Variants in COL18A1 observed in about 807,000 individuals in gnomAD.
COL18A1 encodes collagen type XVIII alpha 1 chain, also known as collagen alpha-1(XVIII) chain.
A neutral mutation model predicts 168.0 loss-of-function variants in COL18A1; 133 were observed. The observed-to-expected ratio is 0.79, with a 90% CI of 0.69 to 0.91. The LOEUF (loss-of-function observed/expected upper bound fraction) is 0.91. Ranked by LOEUF, COL18A1 falls within the 40% of genes least tolerant of loss-of-function variation. The pLI, the probability that COL18A1 is intolerant of heterozygous loss-of-function variation, is 0.00. For missense variants in COL18A1, 2,126 were observed against 1,925.4 expected (o/e 1.10, Z -1.95); for synonymous variants, 949 against 809.0 (o/e 1.17, Z -2.94).
At chr21:45,466,326 G>A (rs966795399) in intron 2 of COL18A1, among the ~76,000 whole-genome samples, 1 of 152,200 alleles carries the variant, frequency 6.6e-6, no homozygotes, top group Non-Finnish European at 1.5e-5. Flanking sequence ...ACACACACAG[G>A]CCTCCAGAAC....
At chr21:45,494,453 C>T (rs2036463433) in intron 26 of COL18A1, 92 bp from the exon 27 acceptor site, 3 of 1,589,778 alleles carry the variant, frequency 1.9e-6, no homozygotes, top group Admixed American at 1.7e-5. Flanking sequence ...AAGCCGCCAC[C>T]TAACCGTGCC....
rs765377882 is a variant in COL18A1, at chr21:45,455,714, A to G, written c.107-12528A>G. 1.5e-5 allele frequency: 24 copies of G among 1,613,702 alleles called. No homozygotes were observed. The highest frequency in any genetic ancestry group is 2.2e-5 in the East Asian group (1 of 44,870). Reference sequence around the variant, plus strand: ...TGTGCAGCCCACAGCAGATACCACCACACACGTGACCCCCCGGAATGGTTC... The same window carrying G: ...TGTGCAGCCCACAGCAGATACCACCGCACACGTGACCCCCCGGAATGGTTC... On this transcript the variant is annotated intron_variant, in intron 2 of 41. Transcript: ENST00000651438.
chr21:45,470,693 G>A (rs1402317580), intron 3 of COL18A1, among the ~76,000 whole-genome samples: 1 of 151,912 alleles, frequency 6.6e-6, no homozygotes, highest in Admixed American at 6.6e-5. Flanking sequence ...CACCATATTG[G>A]TCAGGCTGGT....
chr21:45,491,364 G>A (rs376116864), intron 22 of COL18A1, 50 bp downstream of exon 22: 32 of 1,106,698 alleles, frequency 2.9e-5, no homozygotes, highest in African/African-American at 2.5e-4. Flanking sequence ...CCCCCCACGG[G>A]GTGCAGAGAT....
intron 2 of COL18A1, chr21:45,422,593 AG>A: frequency 2.2e-6 from 1 of 447,386 alleles, no homozygotes; most frequent in Non-Finnish European, 4.7e-6. Context: ...TGCGGGTCTC[AG>A]GGCACAGTGG....
chr21:45,468,925 C>T (rs1390881582), intron 3 of COL18A1, 139 bp downstream of exon 3: 22 of 910,846 alleles, frequency 2.4e-5, no homozygotes, highest in East Asian at 1.9e-4. Context: ...GGGCCTCCAG[C>T]GCAGGCCTCC....
chr21:45,471,238 G>A lies in COL18A1; in HGVS notation c.651+2452G>A, dbSNP rs1438252017. Among the ~76,000 whole-genome samples, 2 of 152,200 alleles carry A rather than the reference G, an allele frequency of 1.3e-5. No individual in the cohort carries two copies. Among genetic ancestry groups the A allele is most frequent in the African/African-American group, 4.8e-5 (2 of 41,458 alleles). On this transcript the variant is annotated intron_variant, in intron 3 of 41. Transcript: ENST00000651438. This position sits in a 1 kb window ranked among gnomAD's most constrained non-coding sequence, Gnocchi z 4.4. ...CTGTGTTGGTTGATCTCTGTGTCAG[G>A]TCCCTGCAGGCCTCAGGTGTCAGGA...
chr21:45,505,514 C>T, intron 36 of COL18A1, 83 bp downstream of exon 36: 1 of 770,300 alleles, frequency 1.3e-6, no homozygotes, highest in Non-Finnish European at 2.2e-6. Context: ...AGACACTCTC[C>T]CACGGACCCC....
chr21:45,482,018 G>A lies in COL18A1; in HGVS notation c.1667G>A (p.Gly556Asp), dbSNP rs903635422. Reference protein sequence around the residue: ...EGPPGRTGQKGSLGEAGAPGH... With the variant: ...EGPPGRTGQKDSLGEAGAPGH... ...CCCCCAGGAAGGACTGGGCAGAAAGGCAGCCTGGTAAGTCTTCCCTCGAGT... is the reference window on the plus strand; with the variant it reads ...CCCCCAGGAAGGACTGGGCAGAAAGACAGCCTGGTAAGTCTTCCCTCGAGT... The change falls in exon 14 of 42, where the codon GGC (glycine) becomes GAC (aspartate). Residue 556 changes from glycine (G) to aspartate (D), a missense_variant. Physicochemically the swap from Gly to Asp is moderately conservative, Grantham distance 94. Coordinates refer to ENST00000651438, the MANE Select transcript of COL18A1 (RefSeq NM_001379500.1). The A allele has an allele frequency of 5.6e-6, 9 of 1,613,254 alleles. No individual in the cohort carries two copies. The highest frequency in any genetic ancestry group is 1.7e-5 in the Admixed American group (1 of 60,002).
At chr21:45,485,531 A>G (rs2036079977) in intron 15 of COL18A1, among the ~76,000 whole-genome samples, 1 of 152,204 alleles carries the variant, frequency 6.6e-6, no homozygotes, top group Non-Finnish European at 1.5e-5. Flanking sequence ...TAAAGACGAT[A>G]AAAGGATGCC....
At chr21:45,497,182 C>T (rs772924769) in intron 31 of COL18A1, 90 bp downstream of exon 31, 1 of 882,952 alleles carries the variant, frequency 1.1e-6, no homozygotes, top group Non-Finnish European at 1.9e-6. Context: ...AGCAGTGAGA[C>T]TCCCCCAGTG....
chr21:45,416,071 C>T (rs759508179), intron 2 of COL18A1, among the ~76,000 whole-genome samples: 6 of 152,242 alleles, frequency 3.9e-5, no homozygotes, highest in Admixed American at 6.5e-5. Flanking sequence ...GCCTCTGTGA[C>T]CCTGACCCAG....
At chr21:45,495,080 T>C in intron 28 of COL18A1, 165 bp downstream of exon 28, 1 of 696,818 alleles carries the variant, frequency 1.4e-6, no homozygotes, top group Non-Finnish European at 2.5e-6. Context: ...GTCCTGGATG[T>C]GGCTGGCAGT....
rs1196442604 is a variant in COL18A1, at chr21:45,468,540, C to G, written c.405C>G (p.Ile135Met). 2.5e-6 allele frequency: 4 copies of G among 1,613,450 alleles called. No individual in the cohort carries two copies. The highest frequency in any genetic ancestry group is 3.4e-6 in the Non-Finnish European group (4 of 1,179,872). The change falls in exon 3 of 42, where the codon ATC (isoleucine) becomes ATG (methionine). Residue 135 changes from isoleucine to methionine, a missense_variant. Physicochemically the swap from Ile to Met is conservative, Grantham distance 10. Coordinates refer to ENST00000651438, the MANE Select transcript of COL18A1 (RefSeq NM_001379500.1). ...LSGVQDGHQDISLLYTEPGAG... is the reference protein window; with the variant it reads ...LSGVQDGHQDMSLLYTEPGAG... ...GGGTGCAGGACGGGCACCAGGACAT[C>G]TCCCTGCTCTACACAGAACCAGGTG...
At chr21:45,501,505 G>A (rs1214763838) in intron 32 of COL18A1, among the ~76,000 whole-genome samples, 1 of 152,162 alleles carries the variant, frequency 6.6e-6, no homozygotes, top group Non-Finnish European at 1.5e-5. Flanking sequence ...CAGGGCAGTG[G>A]TCTTCCACGT....
At chr21:45,508,303 G>A (rs1396875659) in intron 38 of COL18A1, among the ~76,000 whole-genome samples, 1 of 151,436 alleles carries the variant, frequency 6.6e-6, no homozygotes, top group Non-Finnish European at 1.5e-5. Flanking sequence ...TGGATGGGTG[G>A]TTGCTGGACA....
In COL18A1 at chr21:45,486,856, C is replaced by A; in HGVS notation, c.1702-5C>A. On this transcript the variant is annotated splice_polypyrimidine_tract_variant and splice_region_variant and intron_variant, in intron 15 of 41. Coordinates refer to ENST00000651438, the MANE Select transcript of COL18A1 (RefSeq NM_001379500.1). The stretch of plus-strand genomic sequence containing the variant: ...GTCCTGACACGCTCTCCTCACCCCA[C>A]GCAGGGGAGCAAGGGAGCCCCCGGT... The A allele has an allele frequency of 6.5e-7, 1 of 1,527,812 alleles. No homozygotes were observed. Among genetic ancestry groups the A allele is most frequent in the African/African-American group, 1.4e-5 (1 of 72,484 alleles). The allele number at this position is 1,527,812 out of a possible 1,614,324, so 94.6% of individuals were successfully genotyped here. A position where few individuals can be genotyped will look rare whatever the true frequency, so the allele number is the denominator to read the frequency against.
rs368730788 is a variant in COL18A1 at position 45,495,375 on chromosome 21, C to A, written c.2451C>A (p.Asn817Lys). Residue 817 changes from asparagine to lysine, a missense_variant, in exon 29 of 42, where the codon AAC (asparagine) becomes AAA (lysine). Physicochemically the swap from Asn to Lys is moderately conservative, Grantham distance 94 (BLOSUM62 0). Coordinates refer to ENST00000651438, the MANE Select transcript of COL18A1 (RefSeq NM_001379500.1). ...FPGRPGRPGM[N>K]GLKGEKGEPG... ...CGCCCCAGGGTCGCCCCGGGATGAA[C>A]GGATTGAAAGGAGAGAAAGGGGAGC... The A allele has an allele frequency of 3.7e-6, 6 of 1,610,820 alleles. No individual in the cohort carries two copies. In the African/African-American group the frequency reaches 6.7e-5, roughly 18 times the overall value.
In COL18A1 at chr21:45,476,435, A is replaced by C. The variant is rs1415068852; in HGVS notation, c.883A>C (p.Arg295=). ...LAGGSSTEDS[R]SEEVEEQTTV... Reference sequence around the variant, plus strand: ...TGGAGGCAGCAGCACGGAAGATTCCAGAAGTGAAGAAGTCGAGGAGCAGAC... The same window carrying C: ...TGGAGGCAGCAGCACGGAAGATTCCCGAAGTGAAGAAGTCGAGGAGCAGAC... The change falls in exon 6 of 42, where the codon AGA becomes CGA. Residue 295 remains arginine (R), a synonymous_variant. Transcript: ENST00000651438. The C allele has an allele frequency of 6.2e-7, 1 of 1,613,898 alleles. No homozygotes were observed. Among genetic ancestry groups the C allele is most frequent in the African/African-American group, 1.3e-5 (1 of 74,944 alleles).
Sources: gnomAD v4.1 joint callset for allele counts (sites outside exome capture counted in the v4.1 genomes callset) on GRCh38, gnomAD v4.1.1 for gene constraint, Gnocchi (gnomAD v3.1) non-coding constraint, MANE v1.5 for transcripts, NCBI Gene and HGNC (gene_info 2026-07-23, HGNC 2026-07-21) for gene names.